Variants in STX18 observed in about 807,000 individuals in gnomAD.
The protein encoded by STX18 is syntaxin 18.
In STX18, 40 loss-of-function variants were observed where a neutral mutation model predicts 50.1. That is an observed-to-expected ratio of 0.80 (90% CI 0.62 to 1.04). The LOEUF (loss-of-function observed/expected upper bound fraction) is 1.04. STX18 is among the 50% of genes least tolerant of loss of function. The pLI is 0.00. For missense variants in STX18, 410 were observed against 415.8 expected (o/e 0.99, Z 0.12); for synonymous variants, 158 against 151.8 (o/e 1.04, Z -0.30).
chr4:4,437,984 T>C (rs1286733373), intron 6 of STX18, among the ~76,000 whole-genome samples: 1 of 152,238 alleles, frequency 6.6e-6, no homozygotes, highest in Non-Finnish European at 1.5e-5. Context: ...TCCTGTTGGT[T>C]TGACTGGCTG....
At chr4:4,520,191 C>T (rs1301464176) in intron 1 of STX18, among the ~76,000 whole-genome samples, 2 of 152,142 alleles carry the variant, frequency 1.3e-5, no homozygotes, top group African/African-American at 4.8e-5. Flanking sequence ...AAAATGGTTG[C>T]TCATAACGAA....
At chr4:4,527,311 C>A (rs1458182535) in intron 1 of STX18, among the ~76,000 whole-genome samples, 1 of 152,032 alleles carries the variant, frequency 6.6e-6, no homozygotes, top group Non-Finnish European at 1.5e-5. Flanking sequence ...TTTGGGAATT[C>A]ACTCACAAAA....
At chr4:4,527,748 C>T (rs1368603859) in intron 1 of STX18, among the ~76,000 whole-genome samples, 4 of 111,996 alleles carry the variant, frequency 3.6e-5, no homozygotes, top group African/African-American at 1.2e-4. Context: ...AATGCTGAGC[C>T]TAAGGAAGAA....
chr4:4,439,023 T>C lies in STX18; in HGVS notation c.498-514A>G, dbSNP rs115720105. 7.6e-3 allele frequency among the ~76,000 whole-genome samples: 1,088 copies of C among 143,704 alleles called. 6 individuals carry two copies. Among genetic ancestry groups the C allele is most frequent in the Non-Finnish European group, 0.012 (814 of 66,522 alleles). The allele number at this position is 143,704 out of a possible 152,430, so 94.3% of individuals were successfully genotyped here. On this transcript the variant is annotated intron_variant, in intron 5 of 10. Coordinates refer to ENST00000306200, the MANE Select transcript of STX18 (RefSeq NM_016930.4). ...CACACACACACATATATACCACATA[T>C]ATATACCCATGCACACATATATACA...
In STX18 at chr4:4,479,658, C is replaced by T. The variant is rs938888360; in HGVS notation, c.169-7952G>A. ...AAGATAAATCAAGTTTACTTTTTAACTAGCTATATTTTAATGACGCTAATT... is the reference window on the plus strand; with the variant it reads ...AAGATAAATCAAGTTTACTTTTTAATTAGCTATATTTTAATGACGCTAATT... On this transcript the variant is annotated intron_variant, in intron 1 of 10. Coordinates refer to ENST00000306200, the MANE Select transcript of STX18 (RefSeq NM_016930.4). Among the ~76,000 whole-genome samples, 3 of 152,300 alleles carry T rather than the reference C, an allele frequency of 2.0e-5. No homozygotes were observed. In the East Asian group the frequency reaches 5.8e-4, roughly 29 times the overall value.
intron 1 of STX18, among the ~76,000 whole-genome samples, chr4:4,485,979 G>A (rs78132292): frequency 0.011 from 1,669 of 152,240 alleles, 24 homozygotes; most frequent in African/African-American, 0.038. Context: ...TTAGAAGTAC[G>A]AGTGGTGGAT....
intron 1 of STX18, among the ~76,000 whole-genome samples, chr4:4,519,713 T>A (rs754465728): frequency 6.6e-6 from 1 of 152,216 alleles, no homozygotes; most frequent in South Asian, 2.1e-4. Context: ...TCATCTACTC[T>A]GGAAAACTTT....
chr4:4,467,586 G>A (rs1305408741), intron 2 of STX18, among the ~76,000 whole-genome samples: 1 of 152,294 alleles, frequency 6.6e-6, no homozygotes, highest in Non-Finnish European at 1.5e-5. Context: ...TTATGCCATC[G>A]CTATGCTTTC....
chr4:4,497,349 G>C (rs78332662), intron 1 of STX18, among the ~76,000 whole-genome samples: 108 of 152,272 alleles, frequency 7.1e-4, no homozygotes, highest in Middle Eastern at 3.4e-3. Context: ...AAAAACCAGG[G>C]GGAGAAATGT....
At chr4:4,513,973 C>T (rs146104518) in intron 1 of STX18, among the ~76,000 whole-genome samples, 5 of 152,152 alleles carry the variant, frequency 3.3e-5, no homozygotes, top group African/African-American at 9.6e-5. Flanking sequence ...CATGTAATTA[C>T]GTTAAGAGTC....
chr4:4,529,110 T>C (rs1289709704), intron 1 of STX18, among the ~76,000 whole-genome samples: 1 of 152,174 alleles, frequency 6.6e-6, no homozygotes, highest in Non-Finnish European at 1.5e-5. Context: ...ACACCTGTAA[T>C]CCCAGCACTT....
chr4:4,462,979 T>C (rs909736559), intron 2 of STX18, among the ~76,000 whole-genome samples: 1 of 152,216 alleles, frequency 6.6e-6, no homozygotes, highest in African/African-American at 2.4e-5. Context: ...GCTGTTTGAG[T>C]ATAATAACTG....
chr4:4,427,163 C>T (rs55763851), intron 7 of STX18, among the ~76,000 whole-genome samples: 22,676 of 152,140 alleles, frequency 0.15, 2,037 homozygotes, highest in South Asian at 0.3. Context: ...GACAGAACAC[C>T]AGTTCTCGGC....
At chr4:4,449,768 A>G (rs918715045) in intron 5 of STX18, among the ~76,000 whole-genome samples, 2 of 152,200 alleles carry the variant, frequency 1.3e-5, no homozygotes, top group South Asian at 2.1e-4. Context: ...ATCAATTTCA[A>G]TCTTTCAATT....
intron 1 of STX18, chr4:4,477,965 G>C (rs1300588902): frequency 6.6e-6 from 1 of 152,074 alleles, no homozygotes; most frequent in Non-Finnish European, 1.5e-5. Flanking sequence ...CATAACGATC[G>C]TACGAATTAG....
intron 9 of STX18, among the ~76,000 whole-genome samples, chr4:4,421,670 C>G (rs954160948): frequency 8.5e-5 from 13 of 152,206 alleles, no homozygotes; most frequent in Non-Finnish European, 7.3e-5. Flanking sequence ...CACCATATGC[C>G]AGGGGCTTCC....
intron 9 of STX18, 130 bp downstream of exon 9, chr4:4,423,388 C>T: frequency 2.3e-6 from 2 of 870,630 alleles, no homozygotes; most frequent in Non-Finnish European, 3.7e-6. Flanking sequence ...TGCGCACACA[C>T]ACCTGCTAGC....
In STX18 at chr4:4,419,982, G is replaced by A. The variant is rs373324176; in HGVS notation, c.*52C>T. On this transcript the variant is annotated 3_prime_UTR_variant, in exon 11 of 11. Transcript: ENST00000306200. ...CAGCACTGGAAGTACATGAAAGCAC[G>A]CAGTCTGTGAGTGCCCATGAGGACT... 1.0e-5 allele frequency: 15 copies of A among 1,446,228 alleles called. No individual in the cohort carries two copies. The highest frequency in any genetic ancestry group is 5.6e-5 in the African/African-American group (4 of 71,182). 89.6% of individuals were successfully genotyped at this position (1,446,228 alleles called of 1,614,324 possible). A position where few individuals can be genotyped will look rare whatever the true frequency, so the allele number is the denominator to read the frequency against.
chr4:4,517,687 AAAG>A (rs1730335873), intron 1 of STX18, among the ~76,000 whole-genome samples: 1 of 152,236 alleles, frequency 6.6e-6, no homozygotes, highest in Non-Finnish European at 1.5e-5. Context: ...ACTAATTTCA[AAAG>A]AAGATAATAT....
Sources: gnomAD v4.1 joint callset for allele counts (sites outside exome capture counted in the v4.1 genomes callset) on GRCh38, gnomAD v4.1.1 for gene constraint, MANE v1.5 for transcripts, NCBI Gene and HGNC (gene_info 2026-07-23, HGNC 2026-07-21) for gene names.